TMC5: variants seen among roughly 807,000 people sequenced by gnomAD.
TMC5 encodes transmembrane channel-like protein 5.
Under a neutral mutation model 110.5 loss-of-function variants are expected in TMC5, and 86 were observed. The observed-to-expected ratio is 0.78, with a 90% CI of 0.65 to 0.93. The LOEUF is 0.93. Ranked by LOEUF, TMC5 falls within the 40% of genes least tolerant of loss-of-function variation. TMC5 has a pLI of 0.00. For synonymous variants in TMC5, 455 were observed against 439.5 expected (o/e 1.04, Z -0.44); for missense variants, 1,144 against 1,222.8 (o/e 0.94, Z 0.96).
At chr16:19,448,208 T>C (rs1967660332) in intron 4 of TMC5, among the ~76,000 whole-genome samples, 1 of 151,154 alleles carries the variant, frequency 6.6e-6, no homozygotes, top group Non-Finnish European at 1.5e-5. Context: ...GCAGTTTATA[T>C]AGTCAAACAA....
chr16:19,450,716 C>T (rs1967729394), intron 5 of TMC5, among the ~76,000 whole-genome samples: 1 of 152,160 alleles, frequency 6.6e-6, no homozygotes, highest in Non-Finnish European at 1.5e-5. Context: ...GGAGCACATG[C>T]CTACACTTGA....
intron 10 of TMC5, 63 bp from the exon 11 acceptor site, chr16:19,472,025 T>A: frequency 1.3e-6 from 2 of 1,556,354 alleles, no homozygotes; most frequent in Admixed American, 3.4e-5. Context: ...CCTCCCAAAG[T>A]GCTGGGATTA....
chr16:19,453,732 C>A (rs372836423), intron 5 of TMC5, among the ~76,000 whole-genome samples: 2 of 152,266 alleles, frequency 1.3e-5, no homozygotes, highest in East Asian at 3.9e-4. Context: ...CACCCTACTG[C>A]ACTCCAGCCT....
At chr16:19,477,585 G>A in intron 13 of TMC5, 67 bp downstream of exon 13, 1 of 1,094,332 alleles carries the variant, frequency 9.1e-7, no homozygotes. Context: ...GAGGACAGGG[G>A]TTTCTCAAGA....
chr16:19,428,555 T>G (rs1967133203), intron 1 of TMC5, among the ~76,000 whole-genome samples: 1 of 152,214 alleles, frequency 6.6e-6, no homozygotes, highest in Non-Finnish European at 1.5e-5. Flanking sequence ...TAGTAAACAC[T>G]ATACCTTAGA....
chr16:19,456,438 CT>C (rs1214397921), intron 5 of TMC5: 1 of 1,137,080 alleles, frequency 8.8e-7, no homozygotes, highest in African/African-American at 1.6e-5. Context: ...GATTTCTTGC[CT>C]AGCTACCAAG....
Position 19,499,095 on chromosome 16 carries a change from A to C in TMC5, c.*1129A>C, listed in dbSNP as rs1403374883. On this transcript the variant is annotated 3_prime_UTR_variant, in exon 22 of 22. Coordinates refer to ENST00000542583, the MANE Select transcript of TMC5 (RefSeq NM_001261841.2). ...TAAATAAATAAATAAAGTAAATTAA[A>C]AGTCTTATTCAAACCAAATATGAAA... 6.6e-6 allele frequency: 1 copy of C among 152,046 alleles called. No individual in the cohort carries two copies. Among genetic ancestry groups the C allele is most frequent in the African/African-American group, 2.4e-5 (1 of 41,390 alleles). 9.4% of individuals were successfully genotyped at this position (152,046 alleles called of 1,614,324 possible).
At chr16:19,479,104 G>A (rs569713228) in intron 13 of TMC5, among the ~76,000 whole-genome samples, 2 of 152,282 alleles carry the variant, frequency 1.3e-5, no homozygotes, top group African/African-American at 4.8e-5. Flanking sequence ...TGAAGAAACC[G>A]ATTACCCTTG....
intron 1 of TMC5, among the ~76,000 whole-genome samples, chr16:19,412,536 T>G (rs1016652042): frequency 6.6e-6 from 1 of 152,088 alleles, no homozygotes; most frequent in African/African-American, 2.4e-5. Context: ...TGGCTAATTT[T>G]TTTGTATTTT....
At chr16:19,424,316 G>A (rs181216771) in intron 1 of TMC5, among the ~76,000 whole-genome samples, 9 of 152,182 alleles carry the variant, frequency 5.9e-5, no homozygotes, top group African/African-American at 1.9e-4. Context: ...ATCATATTAT[G>A]GTAACCATAT....
rs769164707 is a variant in TMC5, at chr16:19,466,111, T to C, written c.1515T>C (p.Tyr505=). 4 of 1,614,178 alleles carry C rather than the reference T, an allele frequency of 2.5e-6. No homozygotes were observed. The highest frequency in any genetic ancestry group is 1.7e-5 in the Admixed American group (1 of 60,018). Residue 505 remains tyrosine, a synonymous_variant, in exon 9 of 22, where the codon TAT becomes TAC. Coordinates refer to ENST00000542583, the MANE Select transcript of TMC5 (RefSeq NM_001261841.2). The stretch of plus-strand genomic sequence containing the variant: ...ATTTTAGGGACACAGTGATGTACTA[T>C]GGCTTTTACACCAATTCCACCATCC... The part of the protein sequence containing the change: ...VGYFRDTVMY[Y]GFYTNSTIQH...
intron 3 of TMC5, 31 bp downstream of exon 3, chr16:19,440,857 A>G (rs1371529507): frequency 6.3e-7 from 1 of 1,586,484 alleles, no homozygotes. Context: ...CTTCACTGGG[A>G]GTGGATGCTG....
chr16:19,496,750 C>A (rs943965631), intron 20 of TMC5, among the ~76,000 whole-genome samples: 3 of 151,572 alleles, frequency 2.0e-5, no homozygotes, highest in Non-Finnish European at 2.9e-5. Context: ...ATTAGCTGGG[C>A]GTGGTGGCAG....
At chr16:19,436,068 T>A (rs1443042493) in intron 2 of TMC5, among the ~76,000 whole-genome samples, 1 of 151,634 alleles carries the variant, frequency 6.6e-6, no homozygotes, top group East Asian at 1.9e-4. Flanking sequence ...TCGAGACCAG[T>A]CTGGCCAACA....
chr16:19,434,458 A>G (rs1726066123), intron 2 of TMC5, among the ~76,000 whole-genome samples: 1 of 82,240 alleles, frequency 1.2e-5, no homozygotes, highest in East Asian at 3.3e-4. Context: ...TTATATATCT[A>G]TATCTATAGA....
chr16:19,434,060 AATCT>A (rs1273412619), intron 2 of TMC5, among the ~76,000 whole-genome samples: 2 of 18,570 alleles, frequency 1.1e-4, no homozygotes, highest in Admixed American at 6.5e-4. Flanking sequence ...ATATAATATA[AATCT>A]ATATATATTA....
chr16:19,468,686 G>A (rs188878405), intron 9 of TMC5, among the ~76,000 whole-genome samples: 23 of 152,310 alleles, frequency 1.5e-4, no homozygotes, highest in Middle Eastern at 3.4e-3. Context: ...ATGCTACCCT[G>A]CTGGCTTTGA....
At chr16:19,479,342 T>G (rs1485462332) in intron 13 of TMC5, 89 bp from the exon 14 acceptor site, 2 of 970,090 alleles carry the variant, frequency 2.1e-6, no homozygotes, top group Non-Finnish European at 3.4e-6. Flanking sequence ...ATTAGCTATG[T>G]CCTGATGGGT....
At chr16:19,484,859 C>T (rs1325459704) in intron 15 of TMC5, among the ~76,000 whole-genome samples, 3 of 150,414 alleles carry the variant, frequency 2.0e-5, no homozygotes, top group African/African-American at 7.3e-5. Context: ...ATCAAAAACA[C>T]ATCTTTTTTT....
Sources: allele counts gnomAD v4.1 joint callset (sites outside exome capture counted in the v4.1 genomes callset), GRCh38; gene constraint gnomAD v4.1.1; transcripts MANE v1.5; gene names NCBI Gene and HGNC (gene_info 2026-07-23, HGNC 2026-07-21).